The following RAPGEF6 variants were observed in gnomAD, a reference collection of about 807,000 sequenced individuals.
RAPGEF6 encodes the protein Rap guanine nucleotide exchange factor 6, also known as PDZ domain containing guanine nucleotide exchange factor (GEF) 2.
A neutral mutation model predicts 171.4 loss-of-function variants in RAPGEF6; 56 were observed. That is an observed-to-expected ratio of 0.33 (90% CI 0.26 to 0.41). The LOEUF (loss-of-function observed/expected upper bound fraction) is 0.41, where lower values mean the gene tolerates loss of function less well. RAPGEF6 is among the 10% of genes least tolerant of loss of function. RAPGEF6 has a pLI of 1.00. For missense variants in RAPGEF6, 1,674 were observed against 1,921.4 expected (o/e 0.87, Z 2.41); for synonymous variants, 692 against 650.1 (o/e 1.06, Z -0.98).
intron 4 of RAPGEF6, among the ~76,000 whole-genome samples, chr5:131,566,964 T>C (rs1321932641): frequency 2.0e-5 from 3 of 151,774 alleles, no homozygotes; most frequent in Admixed American, 6.6e-5. Context: ...CGTGGTGGTA[T>C]GCACCTGTAA....
intron 1 of RAPGEF6, among the ~76,000 whole-genome samples, chr5:131,619,632 C>T (rs1201841812): frequency 6.6e-6 from 1 of 152,178 alleles, no homozygotes; most frequent in African/African-American, 2.4e-5. Context: ...CTTCACTTTT[C>T]TGATCCTACC....
At chr5:131,610,878 T>TCC (rs751709443) in intron 1 of RAPGEF6, among the ~76,000 whole-genome samples, 24 of 152,140 alleles carry the variant, frequency 1.6e-4, no homozygotes, top group Non-Finnish European at 3.1e-4. Context: ...GCCTTGAAAA[T>TCC]ATGCCTCTCA....
intron 8 of RAPGEF6, among the ~76,000 whole-genome samples, chr5:131,509,655 G>A (rs1757594908): frequency 6.6e-6 from 1 of 152,158 alleles, no homozygotes; most frequent in Admixed American, 6.5e-5. Context: ...CACAGACACT[G>A]AACATTGTAC....
At chr5:131,523,279 CTTTTTT>C (rs1171953953) in intron 6 of RAPGEF6, among the ~76,000 whole-genome samples, 3 of 66,656 alleles carry the variant, frequency 4.5e-5, no homozygotes, top group African/African-American at 1.4e-4. Context: ...CTGTTGTATG[CTTTTTT>C]TTTTTTTTTT....
chr5:131,440,288 C>A (rs1752294939), intron 23 of RAPGEF6: 1 of 454,378 alleles, frequency 2.2e-6, no homozygotes. Context: ...TAGTATGCAG[C>A]ACAGTGGAAC....
At chr5:131,512,976 C>T (rs1757839516) in intron 7 of RAPGEF6, among the ~76,000 whole-genome samples, 1 of 152,096 alleles carries the variant, frequency 6.6e-6, no homozygotes, top group Admixed American at 6.5e-5. Flanking sequence ...ATAAGCTACC[C>T]CCCAGTCTAC....
chr5:131,433,701 A>G (rs1256456943), intron 24 of RAPGEF6, 43 bp from the exon 25 acceptor site: 1 of 1,443,272 alleles, frequency 6.9e-7, no homozygotes, highest in Non-Finnish European at 9.7e-7. Context: ...AAAAAAGGGA[A>G]CATATGGTGG....
chr5:131,445,430 G>A (rs1752618878), intron 22 of RAPGEF6, among the ~76,000 whole-genome samples: 1 of 151,352 alleles, frequency 6.6e-6, no homozygotes, highest in Non-Finnish European at 1.5e-5. Context: ...ACTACCCCTT[G>A]TCAACTAGGA....
chr5:131,505,612 T>C (rs1409969930), intron 9 of RAPGEF6, 90 bp from the exon 10 acceptor site: 3 of 1,185,630 alleles, frequency 2.5e-6, no homozygotes, highest in Non-Finnish European at 3.5e-6. Flanking sequence ...ATATATAACT[T>C]GAATAAAAAG....
At chr5:131,449,561 G>A (rs1752927564) in intron 21 of RAPGEF6, among the ~76,000 whole-genome samples, 1 of 152,078 alleles carries the variant, frequency 6.6e-6, no homozygotes, top group Admixed American at 6.6e-5. Flanking sequence ...AAAAGAAAGT[G>A]GTGTGAACTC....
chr5:131,556,168 A>T (rs993620780), intron 5 of RAPGEF6, among the ~76,000 whole-genome samples: 3 of 152,196 alleles, frequency 2.0e-5, no homozygotes, highest in Non-Finnish European at 4.4e-5. Flanking sequence ...GGCTGGGCTC[A>T]GTGGCTCACG....
intron 7 of RAPGEF6, among the ~76,000 whole-genome samples, chr5:131,516,540 T>TATATAGAA: frequency 6.6e-6 from 1 of 152,276 alleles, no homozygotes; most frequent in South Asian, 2.1e-4. Flanking sequence ...GCTTACTGCC[T>TATATAGAA]ATATAGAAAC....
intron 16 of RAPGEF6, among the ~76,000 whole-genome samples, chr5:131,473,632 A>G (rs1754900873): frequency 6.6e-6 from 1 of 152,234 alleles, no homozygotes; most frequent in South Asian, 2.1e-4. Flanking sequence ...ATTCTTGTCT[A>G]TATTTTATCA....
chr5:131,462,462 T>C (rs1054630725), intron 18 of RAPGEF6, among the ~76,000 whole-genome samples: 2 of 152,242 alleles, frequency 1.3e-5, no homozygotes, highest in African/African-American at 2.4e-5. Context: ...GCATGAATTC[T>C]AATTAAGGCA....
intron 16 of RAPGEF6, among the ~76,000 whole-genome samples, chr5:131,477,772 G>A (rs1755202853): frequency 2.0e-5 from 3 of 152,208 alleles, no homozygotes; most frequent in Admixed American, 2.0e-4. Context: ...AAAATGAGAC[G>A]CAGTTAATGG....
At chr5:131,529,608 A>T (rs1197654680) in intron 6 of RAPGEF6, among the ~76,000 whole-genome samples, 1 of 150,132 alleles carries the variant, frequency 6.7e-6, no homozygotes, top group Non-Finnish European at 1.5e-5. Context: ...ATCAAGGATT[A>T]AAAAAAATAA....
Position 131,492,562 on chromosome 5 carries a change from G to A in RAPGEF6, c.1731+20C>T. ...TACTTTTAAGAAGGCTTGAATATAA[G>A]TGGTTGGTTATTTCCTTACCTGATC... is the stretch of plus-strand genomic sequence containing the variant. On this transcript the variant is annotated intron_variant, in intron 14 of 27. Transcript: ENST00000509018. The A allele has an allele frequency of 6.2e-7, 1 of 1,609,742 alleles. No individual in the cohort carries two copies. Among genetic ancestry groups the A allele is most frequent in the Non-Finnish European group, 8.5e-7 (1 of 1,175,964 alleles).
At chr5:131,431,500 T>G in intron 25 of RAPGEF6, 151 bp from the exon 26 acceptor site, 1 of 799,654 alleles carries the variant, frequency 1.3e-6, no homozygotes, top group Non-Finnish European at 1.9e-6. Flanking sequence ...ATTATCATCA[T>G]TCATCACTAT....
intron 24 of RAPGEF6, among the ~76,000 whole-genome samples, chr5:131,434,051 CCTTT>C (rs1271260193): frequency 8.5e-5 from 13 of 152,184 alleles, no homozygotes; most frequent in African/African-American, 3.1e-4. Flanking sequence ...AACGCTCCTT[CCTTT>C]GATTAATATG....
Sources: gnomAD v4.1 joint callset for allele counts (sites outside exome capture counted in the v4.1 genomes callset) on GRCh38, gnomAD v4.1.1 for gene constraint, MANE v1.5 for transcripts, NCBI Gene and HGNC (gene_info 2026-07-23, HGNC 2026-07-21) for gene names.